ZNF628: variants seen among roughly 807,000 people sequenced by gnomAD.
The protein encoded by ZNF628 is zinc finger protein Zec.
ZNF628 carries 3 observed loss-of-function variants against 2.5 expected under a neutral mutation model. The ratio of observed to expected loss-of-function variants is 1.19; its 90% CI spans 0.54 to 3.07. The LOEUF is 3.07. ZNF628 is among the 30% of genes most tolerant of loss of function. The probability of loss-of-function intolerance (pLI) is 0.03; values close to 1 mark genes in which losing one functional copy is unlikely to be tolerated. For missense variants in ZNF628, 1,610 were observed against 1,517.1 expected (o/e 1.06, Z -1.02); for synonymous variants, 861 against 717.1 (o/e 1.20, Z -3.21).
Position 55,481,737 on chromosome 19 carries a change from G to A in ZNF628, c.544G>A (p.Gly182Arg), listed in dbSNP as rs1986707715. The part of the protein sequence containing the change: ...GERPYTCGVC[G>R]KSFTQSTNLR... ...GCGGCCCTACACCTGTGGAGTCTGC[G>A]GGAAGAGCTTCACGCAGAGCACCAA... is the stretch of plus-strand genomic sequence containing the variant. Residue 182 changes from glycine to arginine, a missense_variant, in exon 3 of 3, where the codon GGG becomes AGG. Gly to Arg is a moderately radical substitution (Grantham distance 125). Around this residue, in one of 5 missense-constraint regions of ZNF628, gnomAD observed 166 missense variants for 241.3 expected, o/e 0.69. Coordinates refer to ENST00000598519, the MANE Select transcript of ZNF628 (RefSeq NM_033113.3). 2.5e-6 allele frequency: 4 copies of A among 1,611,368 alleles called. No individual in the cohort carries two copies. Among genetic ancestry groups the A allele is most frequent in the East Asian group, 4.5e-5 (2 of 44,764 alleles).
intron 1 of ZNF628, among the ~76,000 whole-genome samples, chr19:55,478,437 C>T (rs537472919): frequency 2.0e-5 from 3 of 152,186 alleles, no homozygotes; most frequent in East Asian, 1.9e-4. Flanking sequence ...TGGGAGCAGG[C>T]GTGCCTGGCC....
rs1986646930 is a variant in ZNF628 at position 55,479,484 on chromosome 19, G to A, written c.-77-350G>A. Among the ~76,000 whole-genome samples, 1 of 152,202 alleles carries A rather than the reference G, an allele frequency of 6.6e-6. No individual in the cohort carries two copies. The highest frequency in any genetic ancestry group is 2.1e-4 in the South Asian group (1 of 4,836). On this transcript the variant is annotated intron_variant, in intron 1 of 2. Coordinates refer to ENST00000598519, the MANE Select transcript of ZNF628 (RefSeq NM_033113.3). This position sits in a 1 kb window ranked among gnomAD's most constrained non-coding sequence, Gnocchi z 5.1. ...TCTGCAGATGGGAACGTCCAGGAGA[G>A]GAGGAAAAGTGGAGGATGTGGGTGG...
chr19:55,481,074 G>C (rs1986685415), intron 2 of ZNF628, 127 bp from the exon 3 acceptor site: 2 of 1,279,280 alleles, frequency 1.6e-6, no homozygotes, highest in East Asian at 5.1e-5. Context: ...CTCATCCTAA[G>C]GAAGGTCCCC....
Position 55,482,276 on chromosome 19 carries a change from C to G in ZNF628, c.1083C>G (p.Cys361Trp), listed in dbSNP as rs1425812590. ...CGCCTGGCTTTGCCTGTCTGCCCTG[C>G]GGCAAGTCCTTCCGGACGGTGGCTG... The part of the protein sequence containing the change: ...APAPGFACLP[C>W]GKSFRTVAGL... The change falls in exon 3 of 3, where the codon TGC (cysteine) becomes TGG (tryptophan). Residue 361 changes from cysteine (C) to tryptophan (W), a missense_variant. By Grantham distance (215) the Cys-to-Trp change is radical. Around this residue, in one of 5 missense-constraint regions of ZNF628, gnomAD observed 651 missense variants for 575.6 expected, o/e 1.13. Transcript: ENST00000598519. The G allele has an allele frequency of 1.4e-6, 2 of 1,471,830 alleles. No individual in the cohort carries two copies. The highest frequency in any genetic ancestry group is 1.8e-6 in the Non-Finnish European group (2 of 1,118,182). 91.2% of individuals were successfully genotyped at this position (1,471,830 alleles called of 1,614,324 possible). A position where few individuals can be genotyped will look rare whatever the true frequency, so the allele number is the denominator to read the frequency against.
chr19:55,480,223 T>C (rs914780355), intron 2 of ZNF628, among the ~76,000 whole-genome samples: 1 of 150,346 alleles, frequency 6.7e-6, no homozygotes, highest in Non-Finnish European at 1.5e-5. Flanking sequence ...TGTTCCAGGC[T>C]CAACCATGAG....
intron 2 of ZNF628, among the ~76,000 whole-genome samples, chr19:55,480,530 C>G (rs142588598): frequency 0.019 from 2,927 of 152,306 alleles, 107 homozygotes; most frequent in African/African-American, 0.067. Flanking sequence ...AAGCAATTCT[C>G]CCGCCTCAGC....
At chr19:55,481,123 T>TA in intron 2 of ZNF628, 78 bp from the exon 3 acceptor site, 1 of 1,442,978 alleles carries the variant, frequency 6.9e-7, no homozygotes, top group South Asian at 1.5e-5. Flanking sequence ...CCCTGTCCCT[T>TA]AAAGAGCCCG....
chr19:55,483,238 C>G lies in ZNF628; in HGVS notation c.2045C>G (p.Pro682Arg). The G allele has an allele frequency of 6.5e-7, 1 of 1,536,950 alleles. No individual in the cohort carries two copies. The highest frequency in any genetic ancestry group is 8.7e-7 in the Non-Finnish European group (1 of 1,146,980). ...PPATQDVHVLPHLQATLSLEV... is the reference protein window; with the variant it reads ...PPATQDVHVLRHLQATLSLEV... Reference sequence around the variant, plus strand: ...GCCACCCAAGATGTCCACGTCCTGCCCCACCTCCAGGCCACGCTCTCCCTC... The same window carrying G: ...GCCACCCAAGATGTCCACGTCCTGCGCCACCTCCAGGCCACGCTCTCCCTC... Residue 682 changes from proline to arginine, a missense_variant, in exon 3 of 3, where the codon CCC becomes CGC. Pro to Arg is a moderately radical substitution (Grantham distance 103, BLOSUM62 -2). Transcript: ENST00000598519.
Position 55,483,156 on chromosome 19 carries a change from G to A in ZNF628, c.1963G>A (p.Ala655Thr), listed in dbSNP as rs1466966868. The change falls in exon 3 of 3, where the codon GCC becomes ACC. Residue 655 changes from alanine (A) to threonine (T), a missense_variant. Transcript: ENST00000598519. ...GGCCAACACGCCTCCCAGCACCACA[G>A]CCCCTGCCGCCGGCCCCCAGCCCCC... is the stretch of plus-strand genomic sequence containing the variant. ...APANTPPSTT[A>T]PAAGPQPPAP... 12 of 1,558,504 alleles carry A rather than the reference G, an allele frequency of 7.7e-6. No homozygotes were observed. Among genetic ancestry groups the A allele is most frequent in the Non-Finnish European group, 9.5e-6 (11 of 1,159,570 alleles).
In ZNF628 at chr19:55,484,437, G is replaced by A; in HGVS notation, c.*64G>A. 1 of 1,368,628 alleles carries A rather than the reference G, an allele frequency of 7.3e-7. No individual in the cohort carries two copies. The highest frequency in any genetic ancestry group is 9.6e-7 in the Non-Finnish European group (1 of 1,039,202). The allele number at this position is 1,368,628 out of a possible 1,614,324, so 84.8% of individuals were successfully genotyped here. A position where few individuals can be genotyped will look rare whatever the true frequency, so the allele number is the denominator to read the frequency against. On this transcript the variant is annotated 3_prime_UTR_variant, in exon 3 of 3. Transcript: ENST00000598519. ...CCCGACTCACTGCCAGCCGGGGCGGGGCAGGGTGCCGCAGGCTGGGCTTGC... is the reference window on the plus strand; with the variant it reads ...CCCGACTCACTGCCAGCCGGGGCGGAGCAGGGTGCCGCAGGCTGGGCTTGC...
Position 55,479,062 on chromosome 19 carries a change from G to T in ZNF628, c.-77-772G>T, listed in dbSNP as rs1986634031. The stretch of plus-strand genomic sequence containing the variant: ...ATAGACAGTGGAGTCCTGAGAGTGG[G>T]TGGGGGCTCCCAGGGAGAGAGGACA... On this transcript the variant is annotated intron_variant, in intron 1 of 2. Transcript: ENST00000598519. The surrounding 1 kb of genome is among the most constrained non-coding windows in gnomAD (Gnocchi z 5.1). Among the ~76,000 whole-genome samples, 2 of 152,154 alleles carry T rather than the reference G, an allele frequency of 1.3e-5. No individual in the cohort carries two copies. The highest frequency in any genetic ancestry group is 2.9e-5 in the Non-Finnish European group (2 of 68,038).
At position 55,482,605 on chromosome 19, in the gene ZNF628, A is replaced by G; in HGVS notation, c.1412A>G (p.Tyr471Cys). Residue 471 changes from tyrosine to cysteine, a missense_variant, in exon 3 of 3, where the codon TAC becomes TGC. Around this residue, in one of 5 missense-constraint regions of ZNF628, gnomAD observed 651 missense variants for 575.6 expected, o/e 1.13. Transcript: ENST00000598519. ...KSFKGSSGLR[Y>C]HLRDHTGERP... is the part of the protein sequence containing the mutation. ...TTCAAGGGCTCCTCCGGGCTGCGCT[A>G]CCACCTGCGGGACCACACGGGCGAG... The G allele has an allele frequency of 6.2e-7, 1 of 1,605,854 alleles. No individual in the cohort carries two copies. Among genetic ancestry groups the G allele is most frequent in the Non-Finnish European group, 8.5e-7 (1 of 1,177,516 alleles).
chr19:55,482,289 C>T lies in ZNF628; in HGVS notation c.1096C>T (p.Arg366Trp), dbSNP rs1401970817. Residue 366 changes from arginine (R) to tryptophan (W), a missense_variant, in exon 3 of 3, where the codon CGG (arginine) becomes TGG (tryptophan). Arg to Trp is a moderately radical substitution (Grantham distance 101). Transcript: ENST00000598519. ...CTGTCTGCCCTGCGGCAAGTCCTTC[C>T]GGACGGTGGCTGGGCTCTCCCGCCA... The part of the protein sequence containing the change: ...FACLPCGKSF[R>W]TVAGLSRHQH... 1.8e-5 allele frequency: 27 copies of T among 1,471,944 alleles called. No homozygotes were observed. The highest frequency in any genetic ancestry group is 2.4e-5 in the Non-Finnish European group (27 of 1,117,970). The allele number at this position is 1,471,944 out of a possible 1,614,324, so 91.2% of individuals were successfully genotyped here.
In ZNF628 at chr19:55,481,569, G is replaced by C. The variant is rs1340099165; in HGVS notation, c.376G>C (p.Gly126Arg). 9 of 1,613,248 alleles carry C rather than the reference G, an allele frequency of 5.6e-6. No individual in the cohort carries two copies. Among genetic ancestry groups the C allele is most frequent in the Non-Finnish European group, 5.1e-6 (6 of 1,179,666 alleles). The change falls in exon 3 of 3, where the codon GGC (glycine) becomes CGC (arginine). Residue 126 changes from glycine (G) to arginine (R), a missense_variant. By Grantham distance (125) the Gly-to-Arg change is moderately radical. Around this residue, in one of 5 missense-constraint regions of ZNF628, gnomAD observed 166 missense variants for 241.3 expected, o/e 0.69. Coordinates refer to ENST00000598519, the MANE Select transcript of ZNF628 (RefSeq NM_033113.3). ...GLRAFICGQC[G>R]LAFKWSSHYQ... is the part of the protein sequence containing the mutation. The stretch of plus-strand genomic sequence containing the variant: ...GCGGGCCTTCATCTGCGGCCAGTGC[G>C]GCCTGGCCTTCAAGTGGTCGTCCCA...
In ZNF628 at chr19:55,481,448, C is replaced by T. The variant is rs773853847; in HGVS notation, c.255C>T (p.Gly85=). 1 of 1,611,458 alleles carries T rather than the reference C, an allele frequency of 6.2e-7. No homozygotes were observed. The highest frequency in any genetic ancestry group is 8.5e-7 in the Non-Finnish European group (1 of 1,179,294). The change falls in exon 3 of 3, where the codon GGC becomes GGT. Residue 85 remains glycine (G), a synonymous_variant. Transcript: ENST00000598519. ...GSSALLYHQR[G]HTGERPYQCP... is the part of the protein sequence containing the mutation. Reference sequence around the variant, plus strand: ...CGGCCCTGCTCTACCACCAGCGAGGCCACACGGGCGAGCGGCCCTACCAGT... The same window carrying T: ...CGGCCCTGCTCTACCACCAGCGAGGTCACACGGGCGAGCGGCCCTACCAGT...
chr19:55,483,587 C>T lies in ZNF628; in HGVS notation c.2394C>T (p.Ser798=). ...CTGGGGCCAGCGGGACAGGGCAGAG[C>T]CTCATCGTTCTGCAGAATGTGGGGG... ...ASAGASGTGQ[S]LIVLQNVGGG... Residue 798 remains serine (S), a synonymous_variant, in exon 3 of 3, where the codon AGC becomes AGT. Transcript: ENST00000598519. 1 of 1,611,586 alleles carries T rather than the reference C, an allele frequency of 6.2e-7. No homozygotes were observed. The highest frequency in any genetic ancestry group is 8.5e-7 in the Non-Finnish European group (1 of 1,178,934).
At chr19:55,477,938 T>G (rs958336204) in intron 1 of ZNF628, among the ~76,000 whole-genome samples, 1 of 152,146 alleles carries the variant, frequency 6.6e-6, no homozygotes, top group East Asian at 1.9e-4. Context: ...GCGTTGACAT[T>G]CTAGCATGGG....
In ZNF628 at chr19:55,483,518, G is replaced by C. The variant is rs1268748291; in HGVS notation, c.2325G>C (p.Trp775Cys). Residue 775 changes from tryptophan (W) to cysteine (C), a missense_variant, in exon 3 of 3, where the codon TGG becomes TGC. By Grantham distance (215) the Trp-to-Cys change is radical. Around this residue, in one of 5 missense-constraint regions of ZNF628, gnomAD observed 712 missense variants for 603.6 expected, o/e 1.18. Transcript: ENST00000598519. ...CGGGCCAGGGGGCGGGAGTGGTCTG[G>C]CTGCCAGGCCCTGGGGGTCTAGGGG... ...GKAGQGAGVV[W>C]LPGPGGLGVQ... 6.4e-7 allele frequency: 1 copy of C among 1,561,338 alleles called. No homozygotes were observed.
At chr19:55,478,844 C>T (rs866071978) in intron 1 of ZNF628, among the ~76,000 whole-genome samples, 6 of 152,064 alleles carry the variant, frequency 3.9e-5, no homozygotes, top group Non-Finnish European at 7.4e-5. Flanking sequence ...AGGAAGAAGA[C>T]GGCTGCCATT....
Sources: gnomAD v4.1 joint callset for allele counts (sites outside exome capture counted in the v4.1 genomes callset) on GRCh38, gnomAD v4.1.1 for gene constraint, gnomAD v4.1.1 regional missense constraint, Gnocchi (gnomAD v3.1) non-coding constraint, MANE v1.5 for transcripts, NCBI Gene and HGNC (gene_info 2026-07-23, HGNC 2026-07-21) for gene names.